Variants in MPZL3 observed in about 807,000 individuals in gnomAD.
The protein encoded by MPZL3 is myelin protein zero like 3.
MPZL3 carries 23 observed loss-of-function variants against 24.8 expected under a neutral mutation model. That is an observed-to-expected ratio of 0.93 (90% CI 0.67 to 1.31). The LOEUF is 1.31. Among genes scored for constraint, MPZL3 ranks in the 40% most tolerant of loss-of-function variants. The probability of loss-of-function intolerance (pLI) is 0.00; values close to 1 mark genes in which losing one functional copy is unlikely to be tolerated. For missense variants in MPZL3, 277 were observed against 294.9 expected (o/e 0.94, Z 0.44); for synonymous variants, 99 against 106.5 (o/e 0.93, Z 0.44).
At position 118,240,300 on chromosome 11, in the gene MPZL3, T is replaced by C; in HGVS notation, c.151A>G (p.Lys51Glu). The C allele has an allele frequency of 6.2e-7, 1 of 1,609,484 alleles. No individual in the cohort carries two copies. The highest frequency in any genetic ancestry group is 2.2e-5 in the East Asian group (1 of 44,590). ...TCTGAAGTTGACTTGAAAGTGCATT[T>C]CAACTTGATCTTTTCTCCAACATAA... Reference protein sequence around the residue: ...RGYVGEKIKLKCTFKSTSDVT... With the variant: ...RGYVGEKIKLECTFKSTSDVT... Residue 51 changes from lysine (K) to glutamate (E), a missense_variant, in exon 2 of 6, where the codon AAA becomes GAA. Physicochemically the swap from Lys to Glu is moderately conservative, Grantham distance 56. Transcript: ENST00000278949.
intron 5 of MPZL3, among the ~76,000 whole-genome samples, chr11:118,232,296 A>G (rs1268649617): frequency 6.6e-6 from 1 of 152,106 alleles, no homozygotes; most frequent in African/African-American, 2.4e-5. Flanking sequence ...TCCCTAACCT[A>G]TTAAATGTCA....
chr11:118,251,125 G>C (rs1405769604), intron 1 of MPZL3, among the ~76,000 whole-genome samples: 1 of 151,330 alleles, frequency 6.6e-6, no homozygotes, highest in African/African-American at 2.4e-5. Flanking sequence ...GTGTGAAAGA[G>C]AGAGAGAGAG....
rs564110462 is a variant in MPZL3, at chr11:118,228,289, C to T, written c.*1605G>A. The T allele has an allele frequency of 1.3e-5, 2 of 151,978 alleles. No homozygotes were observed. The highest frequency in any genetic ancestry group is 2.4e-5 in the African/African-American group (1 of 41,362). 9.4% of individuals were successfully genotyped at this position (151,978 alleles called of 1,614,324 possible). On this transcript the variant is annotated 3_prime_UTR_variant, in exon 6 of 6. Transcript: ENST00000278949. ...TGATTTTTAAACTAACATATACAGTCTGAAGCGCTGTAATATGGAAACTTC... is the reference window on the plus strand; with the variant it reads ...TGATTTTTAAACTAACATATACAGTTTGAAGCGCTGTAATATGGAAACTTC...
At chr11:118,230,731 G>A (rs1715424) in intron 5 of MPZL3, among the ~76,000 whole-genome samples, 13,761 of 151,950 alleles carry the variant, frequency 0.091, 2,083 homozygotes, top group African/African-American at 0.31. Context: ...CAATTAGTAG[G>A]GAATTTCCAC....
chr11:118,251,060 C>T (rs1591500906), intron 1 of MPZL3, among the ~76,000 whole-genome samples: 1 of 148,688 alleles, frequency 6.7e-6, no homozygotes, highest in African/African-American at 2.5e-5. Context: ...CTCAATAAGA[C>T]AATATTTGAA....
rs1352157194 is a variant in MPZL3 at position 118,237,118 on chromosome 11, C to G, written c.383G>C (p.Cys128Ser). 1 of 1,614,098 alleles carries G rather than the reference C, an allele frequency of 6.2e-7. No individual in the cohort carries two copies. The highest frequency in any genetic ancestry group is 1.3e-5 in the African/African-American group (1 of 75,042). Reference sequence around the variant, plus strand: ...CACATCTGGGGGATTCTTCACAGCACAGCTGAATGTCCCATTGTCCTTTAT... The same window carrying G: ...CACATCTGGGGGATTCTTCACAGCAGAGCTGAATGTCCCATTGTCCTTTAT... The part of the protein sequence containing the change: ...PTIKDNGTFS[C>S]AVKNPPDVHH... Residue 128 changes from cysteine to serine, a missense_variant, in exon 3 of 6, where the codon TGT becomes TCT. Transcript: ENST00000278949.
chr11:118,233,057 C>T (rs1479801971), intron 5 of MPZL3, among the ~76,000 whole-genome samples: 1 of 152,086 alleles, frequency 6.6e-6, no homozygotes, highest in Non-Finnish European at 1.5e-5. Flanking sequence ...CATCAAGTTA[C>T]CTAAAAGGTT....
chr11:118,249,365 G>A lies in MPZL3; in HGVS notation c.73+2857C>T, dbSNP rs981440119. Reference sequence around the variant, plus strand: ...CATATATATACTGAAATTAAAAAATGTTTTAAAACCAATGGATGTAAGACA... The same window carrying A: ...CATATATATACTGAAATTAAAAAATATTTTAAAACCAATGGATGTAAGACA... On this transcript the variant is annotated intron_variant, in intron 1 of 5. Coordinates refer to ENST00000278949, the MANE Select transcript of MPZL3 (RefSeq NM_198275.3). 2.0e-5 allele frequency among the ~76,000 whole-genome samples: 3 copies of A among 152,156 alleles called. No individual in the cohort carries two copies. In the South Asian group the frequency reaches 6.2e-4, roughly 32 times the overall value.
At chr11:118,245,226 C>T (rs1158573344) in intron 1 of MPZL3, among the ~76,000 whole-genome samples, 1 of 152,084 alleles carries the variant, frequency 6.6e-6, no homozygotes, top group Non-Finnish European at 1.5e-5. Flanking sequence ...TGGCGAAACC[C>T]CGTCTCTACT....
At chr11:118,245,670 T>C (rs1437788993) in intron 1 of MPZL3, among the ~76,000 whole-genome samples, 1 of 152,238 alleles carries the variant, frequency 6.6e-6, no homozygotes, top group African/African-American at 2.4e-5. Context: ...ATGAGCTAAA[T>C]GGAAGCAAAT....
rs928337306 is a variant in MPZL3, at chr11:118,228,731, A to C, written c.*1163T>G. 2 of 152,218 alleles carry C rather than the reference A, an allele frequency of 1.3e-5. No homozygotes were observed. Among genetic ancestry groups the C allele is most frequent in the Admixed American group, 1.3e-4 (2 of 15,274 alleles). 9.4% of individuals were successfully genotyped at this position (152,218 alleles called of 1,614,324 possible). ...CAAGTGAAAAGATGATTTAATTTGC[A>C]AAGAACTCCTGAAATACTCCATAAG... On this transcript the variant is annotated 3_prime_UTR_variant, in exon 6 of 6. Coordinates refer to ENST00000278949, the MANE Select transcript of MPZL3 (RefSeq NM_198275.3).
chr11:118,241,740 A>AT (rs970220260), intron 1 of MPZL3, among the ~76,000 whole-genome samples: 1 of 152,042 alleles, frequency 6.6e-6, no homozygotes, highest in Non-Finnish European at 1.5e-5. Flanking sequence ...GCTTTGAATC[A>AT]TTTTTCTTGC....
intron 1 of MPZL3, among the ~76,000 whole-genome samples, chr11:118,246,585 C>CTTTTTTTTTTTTTTTTTTTTTTT (rs71301655): frequency 8.1e-6 from 1 of 123,282 alleles, no homozygotes; most frequent in African/African-American, 3.3e-5. Context: ...TTTTTCTTTT[C>CTTTTTTTTTTTTTTTTTTTTTTT]TTTTTTTTTT....
At chr11:118,231,619 T>C (rs1193202629) in intron 5 of MPZL3, among the ~76,000 whole-genome samples, 1 of 152,206 alleles carries the variant, frequency 6.6e-6, no homozygotes, top group East Asian at 1.9e-4. Context: ...CCAACTTCTG[T>C]TCTTCCTCCT....
At chr11:118,242,563 C>T (rs538891035) in intron 1 of MPZL3, among the ~76,000 whole-genome samples, 3 of 152,306 alleles carry the variant, frequency 2.0e-5, no homozygotes, top group Non-Finnish European at 4.4e-5. Flanking sequence ...GAATGTCCTG[C>T]CATGTCCCAC....
intron 2 of MPZL3, among the ~76,000 whole-genome samples, chr11:118,239,727 G>A (rs1949469723): frequency 6.6e-6 from 1 of 152,176 alleles, no homozygotes; most frequent in Non-Finnish European, 1.5e-5. Context: ...AATCAATGCA[G>A]ATGTTTATAC....
At chr11:118,231,427 C>G (rs538203330) in intron 5 of MPZL3, among the ~76,000 whole-genome samples, 38 of 151,096 alleles carry the variant, frequency 2.5e-4, no homozygotes, top group Admixed American at 2.4e-3. Flanking sequence ...TGTCCTCTGA[C>G]CCCTTCCCTA....
intron 1 of MPZL3, among the ~76,000 whole-genome samples, chr11:118,248,996 T>C (rs149505468): frequency 3.8e-4 from 58 of 152,278 alleles, no homozygotes; most frequent in African/African-American, 1.4e-3. Flanking sequence ...CATCTAAAAG[T>C]TTAGGCTCAA....
At position 118,252,083 on chromosome 11, in the gene MPZL3, C is replaced by A. The variant is rs1353720618; in HGVS notation, c.73+139G>T. On this transcript the variant is annotated intron_variant, in intron 1 of 5. Transcript: ENST00000278949. ...CAACGGGGTGGTGATGACATCGTCC[C>A]AACGTCCCGCTCCCTCCCTCCTTCC... The A allele has an allele frequency of 1.5e-5, 12 of 800,454 alleles. No homozygotes were observed. In the East Asian group the frequency reaches 2.7e-4, roughly 18 times the overall value. 49.6% of individuals were successfully genotyped at this position (800,454 alleles called of 1,614,324 possible). A position where few individuals can be genotyped will look rare whatever the true frequency, so the allele number is the denominator to read the frequency against.
Sources: allele counts gnomAD v4.1 joint callset (sites outside exome capture counted in the v4.1 genomes callset), GRCh38; gene constraint gnomAD v4.1.1; transcripts MANE v1.5; gene names NCBI Gene and HGNC (gene_info 2026-07-23, HGNC 2026-07-21).